The following UBE2E3 variants were observed in gnomAD, a reference collection of about 807,000 sequenced individuals.
UBE2E3 encodes ubiquitin-conjugating enzyme E2 E3.
UBE2E3 carries 5 observed loss-of-function variants against 23.6 expected under a neutral mutation model. That is an observed-to-expected ratio of 0.21 (90% CI 0.11 to 0.44). The LOEUF (loss-of-function observed/expected upper bound fraction) is 0.44. UBE2E3 is among the 20% of genes least tolerant of loss of function. The pLI, the probability that UBE2E3 is intolerant of heterozygous loss-of-function variation, is 0.99. For synonymous variants in UBE2E3, 78 were observed against 87.5 expected (o/e 0.89, Z 0.60); for missense variants, 81 against 249.8 (o/e 0.32, Z 4.55).
rs541612408 is a variant in UBE2E3, at chr2:180,984,651, A to C, written c.245+558A>C. On this transcript the variant is annotated intron_variant, in intron 3 of 5. Coordinates refer to ENST00000410062, the MANE Select transcript of UBE2E3 (RefSeq NM_006357.4). The stretch of plus-strand genomic sequence containing the variant: ...TATTTACGTTTTAAGCAAATGTCCT[A>C]ATTGCTTGGGAACATTTTTAGTAAT... Among the ~76,000 whole-genome samples the C allele has an allele frequency of 3.3e-5, 5 of 152,268 alleles. No homozygotes were observed. In the South Asian group the frequency reaches 1.0e-3, roughly 32 times the overall value.
chr2:181,005,595 A>G (rs1297293504), intron 3 of UBE2E3, among the ~76,000 whole-genome samples: 1 of 152,070 alleles, frequency 6.6e-6, no homozygotes, highest in Admixed American at 6.5e-5. Context: ...TCTTCCTATT[A>G]TGATGGTTCA....
chr2:181,062,740 C>A, intron 5 of UBE2E3, 51 bp from the exon 6 acceptor site: 1 of 1,112,810 alleles, frequency 9.0e-7, no homozygotes, highest in Non-Finnish European at 1.3e-6. Context: ...AGAACTATAC[C>A]TTGAAGAAGA....
chr2:181,019,345 A>C (rs1462309224), intron 3 of UBE2E3, among the ~76,000 whole-genome samples: 1 of 152,224 alleles, frequency 6.6e-6, no homozygotes, highest in Non-Finnish European at 1.5e-5. Context: ...GCCGGTGCTC[A>C]AAATGTGCTG....
chr2:180,984,672 G>A (rs1428386404), intron 3 of UBE2E3, among the ~76,000 whole-genome samples: 2 of 152,152 alleles, frequency 1.3e-5, no homozygotes, highest in Non-Finnish European at 2.9e-5. Context: ...AACATTTTTA[G>A]TAATTTTGGT....
At chr2:181,051,734 T>C (rs910421632) in intron 3 of UBE2E3, among the ~76,000 whole-genome samples, 19 of 151,896 alleles carry the variant, frequency 1.3e-4, no homozygotes, top group African/African-American at 4.1e-4. Context: ...CAATAGAATA[T>C]GTGTGCAAAT....
At chr2:181,024,882 G>A (rs1685829906) in intron 3 of UBE2E3, among the ~76,000 whole-genome samples, 1 of 151,804 alleles carries the variant, frequency 6.6e-6, no homozygotes, top group Admixed American at 6.6e-5. Context: ...TTCAAATGTA[G>A]CAATTTCAAA....
chr2:180,992,531 G>T (rs1313944300), intron 3 of UBE2E3, among the ~76,000 whole-genome samples: 1 of 142,260 alleles, frequency 7.0e-6, no homozygotes, highest in Non-Finnish European at 1.6e-5. Flanking sequence ...ATCTTGGGCA[G>T]CTCTTCTCTG....
At chr2:181,039,336 C>A (rs906891957) in intron 3 of UBE2E3, among the ~76,000 whole-genome samples, 1 of 151,876 alleles carries the variant, frequency 6.6e-6, no homozygotes, top group Admixed American at 6.6e-5. Context: ...TTGAAAAATA[C>A]AATAAATGGC....
chr2:180,997,973 G>A (rs1052021050), intron 3 of UBE2E3, among the ~76,000 whole-genome samples: 8 of 151,788 alleles, frequency 5.3e-5, no homozygotes, highest in African/African-American at 1.9e-4. Flanking sequence ...CAGCTGAACC[G>A]GGCACTAGGA....
chr2:181,007,031 A>G (rs369503431), intron 3 of UBE2E3, among the ~76,000 whole-genome samples: 1 of 152,326 alleles, frequency 6.6e-6, no homozygotes, highest in South Asian at 2.1e-4. Context: ...TGAGCAGGTA[A>G]TATTTTGAAC....
At chr2:181,038,743 C>T (rs1330731145) in intron 3 of UBE2E3, among the ~76,000 whole-genome samples, 2 of 152,134 alleles carry the variant, frequency 1.3e-5, no homozygotes, top group South Asian at 2.1e-4. Flanking sequence ...AGTCTTATAT[C>T]TTAATAGACA....
chr2:181,008,230 A>G (rs953229860), intron 3 of UBE2E3, among the ~76,000 whole-genome samples: 7 of 152,206 alleles, frequency 4.6e-5, no homozygotes, highest in Admixed American at 1.3e-4. Flanking sequence ...GATTGGATGG[A>G]AGCTGTGCAA....
intron 3 of UBE2E3, among the ~76,000 whole-genome samples, chr2:181,009,177 T>C (rs972911206): frequency 6.6e-6 from 1 of 152,176 alleles, no homozygotes; most frequent in South Asian, 2.1e-4. Context: ...ATTTTCTTCC[T>C]TAGTAATTGT....
intron 3 of UBE2E3, among the ~76,000 whole-genome samples, chr2:181,015,132 T>G (rs1307020022): frequency 1.3e-5 from 2 of 152,240 alleles, no homozygotes; most frequent in Non-Finnish European, 2.9e-5. Flanking sequence ...GTTCACAACT[T>G]TTATATGCTT....
At chr2:181,053,243 G>A (rs1686895559) in intron 3 of UBE2E3, among the ~76,000 whole-genome samples, 1 of 151,712 alleles carries the variant, frequency 6.6e-6, no homozygotes, top group African/African-American at 2.4e-5. Context: ...GTTTTAAAAT[G>A]TCTAACCATA....
intron 3 of UBE2E3, among the ~76,000 whole-genome samples, chr2:180,994,542 C>A (rs747743362): frequency 6.6e-6 from 1 of 152,142 alleles, no homozygotes; most frequent in African/African-American, 2.4e-5. Context: ...TCAGTAGCTC[C>A]GTAATCAGTC....
intron 3 of UBE2E3, among the ~76,000 whole-genome samples, chr2:181,043,970 G>A (rs1412126520): frequency 6.6e-6 from 1 of 152,074 alleles, no homozygotes; most frequent in Non-Finnish European, 1.5e-5. Context: ...TTTGCTTTGA[G>A]CCTTCTTTTA....
chr2:181,044,944 A>G (rs1444840073), intron 3 of UBE2E3, among the ~76,000 whole-genome samples: 1 of 152,192 alleles, frequency 6.6e-6, no homozygotes, highest in Non-Finnish European at 1.5e-5. Context: ...AATTTTCTAA[A>G]TGTTAGAATT....
intron 2 of UBE2E3, 41 bp from the exon 3 acceptor site, chr2:180,984,002 C>G: frequency 1.9e-6 from 3 of 1,552,356 alleles, no homozygotes; most frequent in Non-Finnish European, 2.7e-6. Context: ...ATTCTGTAGA[C>G]TATATCAAAT....
Sources: gnomAD v4.1 joint callset for allele counts (sites outside exome capture counted in the v4.1 genomes callset) on GRCh38, gnomAD v4.1.1 for gene constraint, MANE v1.5 for transcripts, NCBI Gene and HGNC (gene_info 2026-07-23, HGNC 2026-07-21) for gene names.